The following CSMD1 variants were observed in gnomAD, a reference collection of about 807,000 sequenced individuals.
The protein encoded by CSMD1 is CUB and Sushi multiple domains 1, also known as CUB and sushi domain-containing protein 1.
CSMD1 carries 213 observed loss-of-function variants against 417.5 expected under a neutral mutation model. The observed-to-expected ratio is 0.51, with a 90% CI of 0.46 to 0.57. CSMD1 has a LOEUF of 0.57. Ranked by LOEUF, CSMD1 falls within the 20% of genes least tolerant of loss-of-function variation. The pLI is 0.00. For missense variants in CSMD1, 6,923 were observed against 4,529.7 expected, an observed-to-expected ratio of 1.53 and a Z score of -15.17; for synonymous variants, 2,862 against 1,736.8, an observed-to-expected ratio of 1.65 and a Z score of -16.11.
intron 5 of CSMD1, among the ~76,000 whole-genome samples, chr8:3,811,559 G>A (rs1381447667): frequency 6.6e-6 from 1 of 152,048 alleles, no homozygotes; most frequent in East Asian, 1.9e-4. Flanking sequence ...CTGCACGCCT[G>A]ACCACATCCT....
intron 57 of CSMD1, among the ~76,000 whole-genome samples, chr8:2,968,467 A>T (rs1287530098): frequency 6.6e-6 from 1 of 152,258 alleles, no homozygotes; most frequent in African/African-American, 2.4e-5. Context: ...TAAGGAAACT[A>T]AAATGTTAGT....
rs1350694700 is a variant in CSMD1, at chr8:3,408,197, T to C, written c.1773A>G (p.Ser591=). ...VFSCFFNFTA[S]SGIILSPNYP... ...AATTTGGTGACAGAATAATCCCAGA[T>C]GATGCCGTAAAGTTGAAGAAACATG... Residue 591 remains serine, a synonymous_variant, in exon 14 of 70, where the codon TCA becomes TCG. Coordinates refer to ENST00000635120, the MANE Select transcript of CSMD1 (RefSeq NM_033225.6). 2.5e-6 allele frequency: 4 copies of C among 1,608,624 alleles called. No individual in the cohort carries two copies. In the African/African-American group the frequency reaches 4.0e-5, roughly 16 times the overall value.
At chr8:4,722,368 T>C (rs1305648004) in intron 1 of CSMD1, among the ~76,000 whole-genome samples, 2 of 152,150 alleles carry the variant, frequency 1.3e-5, no homozygotes, top group South Asian at 2.1e-4. Flanking sequence ...AAAGGCAAAC[T>C]TAACTAAATA....
intron 1 of CSMD1, among the ~76,000 whole-genome samples, chr8:4,745,224 T>A (rs1469268868): frequency 6.6e-6 from 1 of 152,166 alleles, no homozygotes; most frequent in Non-Finnish European, 1.5e-5. Context: ...AGCTATCCAG[T>A]TGTCTCAGCA....
intron 5 of CSMD1, among the ~76,000 whole-genome samples, chr8:3,951,056 C>T (rs955000126): frequency 6.6e-6 from 1 of 152,152 alleles, no homozygotes; most frequent in African/African-American, 2.4e-5. Context: ...AAAGCTGTTT[C>T]AACTATTTGA....
chr8:4,688,106 T>C (rs1483230091), intron 1 of CSMD1, among the ~76,000 whole-genome samples: 4 of 152,166 alleles, frequency 2.6e-5, no homozygotes, highest in African/African-American at 9.6e-5. Context: ...TACATTCATG[T>C]AGAAATTGGA....
At chr8:4,254,001 C>G (rs985448074) in intron 3 of CSMD1, among the ~76,000 whole-genome samples, 6 of 138,914 alleles carry the variant, frequency 4.3e-5, no homozygotes, top group African/African-American at 1.6e-4. Context: ...ACTGCAAGCT[C>G]TGCCTCCAGG....
chr8:4,583,220 G>A (rs915050758), intron 2 of CSMD1, among the ~76,000 whole-genome samples: 2 of 152,198 alleles, frequency 1.3e-5, no homozygotes, highest in South Asian at 2.1e-4. Flanking sequence ...GCGGGCACAC[G>A]GCACAGGGAC....
chr8:4,817,481 G>A (rs1299306709), intron 1 of CSMD1, among the ~76,000 whole-genome samples: 1 of 152,214 alleles, frequency 6.6e-6, no homozygotes, highest in Non-Finnish European at 1.5e-5. Flanking sequence ...GGCCCAAAGG[G>A]CACGTCCAAT....
chr8:4,247,443 G>A (rs530095794), intron 3 of CSMD1, among the ~76,000 whole-genome samples: 1 of 152,292 alleles, frequency 6.6e-6, no homozygotes, highest in Admixed American at 6.5e-5. Context: ...AGACACTGAA[G>A]AGCAGCCTCA....
chr8:3,961,137 G>C (rs1812296002), intron 5 of CSMD1, among the ~76,000 whole-genome samples: 2 of 152,080 alleles, frequency 1.3e-5, no homozygotes, highest in East Asian at 1.9e-4. Context: ...ATCTCTTCTT[G>C]CCCATAATAG....
At chr8:3,109,021 T>C (rs1166039473) in intron 43 of CSMD1, among the ~76,000 whole-genome samples, 1 of 152,144 alleles carries the variant, frequency 6.6e-6, no homozygotes, top group Non-Finnish European at 1.5e-5. Context: ...TCCCAGCACT[T>C]TGGGAGGCCA....
At chr8:4,128,826 G>C (rs181898121) in intron 3 of CSMD1, among the ~76,000 whole-genome samples, 26 of 152,068 alleles carry the variant, frequency 1.7e-4, no homozygotes, top group Middle Eastern at 3.4e-3. Flanking sequence ...GTAAGTTTCG[G>C]GATTCATGTC....
chr8:3,709,773 T>C (rs1801401756), intron 6 of CSMD1, among the ~76,000 whole-genome samples: 1 of 146,128 alleles, frequency 6.8e-6, no homozygotes, highest in Admixed American at 7.0e-5. Context: ...ACTTGCTGAC[T>C]TACCCCTTTC....
chr8:4,227,730 C>T (rs1307499277), intron 3 of CSMD1, among the ~76,000 whole-genome samples: 1 of 121,794 alleles, frequency 8.2e-6, no homozygotes, highest in Non-Finnish European at 1.8e-5. Context: ...CCCACATTAA[C>T]TCCCACACCT....
At chr8:3,867,597 A>C (rs1805191495) in intron 5 of CSMD1, among the ~76,000 whole-genome samples, 1 of 152,168 alleles carries the variant, frequency 6.6e-6, no homozygotes, top group South Asian at 2.1e-4. Context: ...AAACCTAAAC[A>C]AAAATTTTAA....
At chr8:3,506,881 T>G (rs984163515) in intron 10 of CSMD1, among the ~76,000 whole-genome samples, 5 of 152,232 alleles carry the variant, frequency 3.3e-5, no homozygotes, top group African/African-American at 1.2e-4. Context: ...ATGACACTAT[T>G]TGATGTCGGA....
intron 2 of CSMD1, among the ~76,000 whole-genome samples, chr8:4,450,559 C>A (rs145168454): frequency 2.6e-5 from 4 of 151,966 alleles, no homozygotes; most frequent in African/African-American, 7.3e-5. Context: ...CACTTGAACC[C>A]GGGAGGCAGA....
chr8:3,790,936 A>C (rs1340295710), intron 5 of CSMD1, among the ~76,000 whole-genome samples: 1 of 152,178 alleles, frequency 6.6e-6, no homozygotes, highest in Non-Finnish European at 1.5e-5. Context: ...AACAGATGAC[A>C]CCTGTCATTT....
Sources: gnomAD v4.1 joint callset for allele counts (sites outside exome capture counted in the v4.1 genomes callset) on GRCh38, gnomAD v4.1.1 for gene constraint, MANE v1.5 for transcripts, NCBI Gene and HGNC (gene_info 2026-07-23, HGNC 2026-07-21) for gene names.